CABIN1: variants seen among roughly 807,000 people sequenced by gnomAD.
The protein encoded by CABIN1 is calcineurin-binding protein cabin-1.
A neutral mutation model predicts 227.7 loss-of-function variants in CABIN1; 133 were observed. That is an observed-to-expected ratio of 0.58 (90% confidence interval 0.51 to 0.67). CABIN1 has a LOEUF of 0.67. CABIN1 is among the 30% of genes least tolerant of loss of function. The pLI, the probability that CABIN1 is intolerant of heterozygous loss-of-function variation, is 0.00. For synonymous variants in CABIN1, 1,086 were observed against 1,155.1 expected, an observed-to-expected ratio of 0.94 and a Z score of 1.21; for missense variants, 2,408 against 2,852.5, an observed-to-expected ratio of 0.84 and a Z score of 3.55.
intron 31 of CABIN1, 36 bp from the exon 32 acceptor site, chr22:24,166,603 C>A: frequency 6.2e-7 from 1 of 1,612,446 alleles, no homozygotes. Context: ...GTGGAGACAC[C>A]AGCGACACAG....
intron 19 of CABIN1, among the ~76,000 whole-genome samples, chr22:24,080,060 A>G (rs1355990258): frequency 3.3e-5 from 5 of 152,120 alleles, no homozygotes; most frequent in Admixed American, 2.0e-4. Flanking sequence ...ACATTAGTCT[A>G]CTAGTTTGCT....
At chr22:24,131,397 A>C (rs985571814) in intron 28 of CABIN1, among the ~76,000 whole-genome samples, 4 of 152,190 alleles carry the variant, frequency 2.6e-5, no homozygotes, top group African/African-American at 9.6e-5. Flanking sequence ...GTGGTCTGCC[A>C]CAGCATTGAG....
Position 24,166,799 on chromosome 22 carries a change from G to A in CABIN1, c.5168G>A (p.Gly1723Asp). 1 of 1,613,046 alleles carries A rather than the reference G, an allele frequency of 6.2e-7. No individual in the cohort carries two copies. The highest frequency in any genetic ancestry group is 1.1e-5 in the South Asian group (1 of 91,088). The change falls in exon 32 of 37, where the codon GGC (glycine) becomes GAC (aspartate). Residue 1723 changes from glycine (G) to aspartate (D), a missense_variant. Around this residue, in one of 3 missense-constraint regions of CABIN1, gnomAD observed 714 missense variants for 773.8 expected, o/e 0.92. Transcript: ENST00000263119. ...DGSGPGPEPG[G>D]KVGLLNHRPV... ...TCAGGGCCAGGGCCCGAGCCAGGAG[G>A]CAAAGTGGGCCTCCTCAACCACCGG... is the stretch of plus-strand genomic sequence containing the variant.
chr22:24,125,171 C>G (rs1226790023), intron 28 of CABIN1, among the ~76,000 whole-genome samples: 2 of 152,268 alleles, frequency 1.3e-5, no homozygotes, highest in East Asian at 3.9e-4. Context: ...TGGCCCGGTA[C>G]CTATATGGGA....
intron 1 of CABIN1, among the ~76,000 whole-genome samples, chr22:24,022,201 C>T (rs935258571): frequency 2.0e-5 from 3 of 151,924 alleles, no homozygotes; most frequent in African/African-American, 7.3e-5. Context: ...CATGTGTAGA[C>T]TTGTTACCAC....
intron 6 of CABIN1, among the ~76,000 whole-genome samples, chr22:24,048,749 A>G (rs779451880): frequency 1.4e-4 from 22 of 152,124 alleles, no homozygotes; most frequent in Non-Finnish European, 2.6e-4. Context: ...CTGTTTTCCA[A>G]TTAGCCAATA....
intron 8 of CABIN1, among the ~76,000 whole-genome samples, 170 bp downstream of exon 8, chr22:24,051,144 C>G (rs1362179110): frequency 6.6e-6 from 1 of 152,166 alleles, no homozygotes; most frequent in Non-Finnish European, 1.5e-5. Flanking sequence ...TACTTGATTA[C>G]TAAGAAGCAG....
intron 28 of CABIN1, among the ~76,000 whole-genome samples, chr22:24,124,303 C>G (rs1226748607): frequency 2.0e-5 from 3 of 152,248 alleles, no homozygotes; most frequent in Non-Finnish European, 4.4e-5. Context: ...TAGTGAGACC[C>G]ATTTCTTCAG....
chr22:24,107,623 A>G (rs2042587216), intron 26 of CABIN1, among the ~76,000 whole-genome samples: 1 of 152,194 alleles, frequency 6.6e-6, no homozygotes, highest in South Asian at 2.1e-4. Flanking sequence ...GGCCACCTTC[A>G]CTGCCTGCTG....
At chr22:24,108,315 T>G (rs1381163216) in intron 26 of CABIN1, among the ~76,000 whole-genome samples, 1 of 152,118 alleles carries the variant, frequency 6.6e-6, no homozygotes, top group Admixed American at 6.5e-5. Flanking sequence ...TTGCTAATCC[T>G]CCCTTTACAC....
rs1472988343 is a variant in CABIN1 at position 24,027,106 on chromosome 22, GTTATAT to G, written c.-74-8332_-74-8327del. ...AGAATATAGACTTTGTACATATTTT[GTTATAT>G]TTATACATAATTTTTGGAGCTATTG... is the stretch of plus-strand genomic sequence containing the variant. On this transcript the variant is annotated intron_variant, in intron 1 of 36. Coordinates refer to ENST00000263119, the MANE Select transcript of CABIN1 (RefSeq NM_012295.4). 3.3e-5 allele frequency among the ~76,000 whole-genome samples: 5 copies of G among 152,112 alleles called. No homozygotes were observed. In the East Asian group the frequency reaches 9.7e-4, roughly 29 times the overall value.
intron 23 of CABIN1, among the ~76,000 whole-genome samples, chr22:24,089,041 C>T (rs1160853833): frequency 1.3e-5 from 2 of 152,206 alleles, no homozygotes; most frequent in East Asian, 3.8e-4. Context: ...GAGCCTGACT[C>T]CCCAAGAGGC....
chr22:24,110,301 G>A (rs948338422), intron 26 of CABIN1, among the ~76,000 whole-genome samples: 3 of 152,196 alleles, frequency 2.0e-5, no homozygotes, highest in African/African-American at 7.2e-5. Flanking sequence ...GCCTTCAGGT[G>A]ATACTGTACT....
At chr22:24,076,375 C>G in intron 19 of CABIN1, 91 bp downstream of exon 19, 2 of 1,050,444 alleles carry the variant, frequency 1.9e-6, no homozygotes, top group Non-Finnish European at 2.9e-6. Context: ...CATGTTGGCA[C>G]GCTGGGCTTG....
At chr22:24,063,305 A>G (rs2039337835) in intron 14 of CABIN1, among the ~76,000 whole-genome samples, 159 bp downstream of exon 14, 1 of 152,132 alleles carries the variant, frequency 6.6e-6, no homozygotes, top group Non-Finnish European at 1.5e-5. Context: ...TGGGCTTGGC[A>G]TGAGAAAGTG....
chr22:24,155,464 G>T (rs1364949518), intron 29 of CABIN1, among the ~76,000 whole-genome samples: 2 of 152,084 alleles, frequency 1.3e-5, no homozygotes, highest in Non-Finnish European at 1.5e-5. Flanking sequence ...TGCTTTCTCT[G>T]TGGGCCTCAC....
At chr22:24,170,594 C>T (rs1482711976) in intron 33 of CABIN1, among the ~76,000 whole-genome samples, 1 of 152,198 alleles carries the variant, frequency 6.6e-6, no homozygotes, top group Non-Finnish European at 1.5e-5. Flanking sequence ...GCCCACAGGA[C>T]AAGGCTAGGC....
At chr22:24,066,086 A>G (rs918365008) in intron 15 of CABIN1, among the ~76,000 whole-genome samples, 2 of 152,218 alleles carry the variant, frequency 1.3e-5, no homozygotes, top group Non-Finnish European at 2.9e-5. Flanking sequence ...GGTATTTTTT[A>G]GTCAAAGGTT....
chr22:24,018,215 T>C lies in CABIN1; in HGVS notation c.-75+6848T>C, dbSNP rs1163155135. ...GGGTATTAGTCCCTTGTCAGTGGTA[T>C]ATGTTGCAAATATTTTCTCCCAATT... On this transcript the variant is annotated intron_variant, in intron 1 of 36. Transcript: ENST00000263119. 2.0e-5 allele frequency among the ~76,000 whole-genome samples: 3 copies of C among 152,342 alleles called. No homozygotes were observed. In the East Asian group the frequency reaches 5.8e-4, roughly 29 times the overall value.
Sources: gnomAD v4.1 joint callset for allele counts (sites outside exome capture counted in the v4.1 genomes callset) on GRCh38, gnomAD v4.1.1 for gene constraint, gnomAD v4.1.1 regional missense constraint, MANE v1.5 for transcripts, NCBI Gene and HGNC (gene_info 2026-07-23, HGNC 2026-07-21) for gene names.